Variants in PFDN1 observed in about 807,000 individuals in gnomAD.
The protein encoded by PFDN1 is prefoldin subunit 1.
A neutral mutation model predicts 17.3 loss-of-function variants in PFDN1; 6 were observed. The observed-to-expected ratio is 0.35, with a 90% CI of 0.19 to 0.69. The LOEUF (loss-of-function observed/expected upper bound fraction) is 0.69. Ranked by LOEUF, PFDN1 falls within the 30% of genes least tolerant of loss-of-function variation. PFDN1 has a pLI of 0.65. For missense variants in PFDN1, 113 were observed against 146.2 expected (o/e 0.77, Z 1.17); for synonymous variants, 58 against 50.1 (o/e 1.16, Z -0.67).
intron 3 of PFDN1, among the ~76,000 whole-genome samples, chr5:140,248,314 G>A (rs745357146): frequency 1.1e-4 from 16 of 151,960 alleles, no homozygotes; most frequent in Non-Finnish European, 1.8e-4. Flanking sequence ...TGATCTGCCC[G>A]CCTCGGCCTC....
In PFDN1 at chr5:140,303,092, C is replaced by G; in HGVS notation, c.-19G>C. 6.2e-7 allele frequency: 1 copy of G among 1,608,230 alleles called. No individual in the cohort carries two copies. ...CGGCCATCTTGGTGCACTGTAAGCG[C>G]CTGCGCAGTGGGAGTTGGACTGAAA... is the stretch of plus-strand genomic sequence containing the variant. On this transcript the variant is annotated 5_prime_UTR_variant, in exon 1 of 4. Coordinates refer to ENST00000261813, the MANE Select transcript of PFDN1 (RefSeq NM_002622.5).
At chr5:140,266,776 G>A (rs1203644115) in intron 3 of PFDN1, among the ~76,000 whole-genome samples, 2 of 152,230 alleles carry the variant, frequency 1.3e-5, no homozygotes, top group Non-Finnish European at 2.9e-5. Context: ...GATAGGAAAG[G>A]CATTTAAATC....
At chr5:140,255,620 G>C (rs1355760223) in intron 3 of PFDN1, among the ~76,000 whole-genome samples, 1 of 152,114 alleles carries the variant, frequency 6.6e-6, no homozygotes, top group African/African-American at 2.4e-5. Context: ...TCAAGCCTGG[G>C]TGACAGAGCA....
At chr5:140,288,949 C>T (rs1243156082) in intron 2 of PFDN1, among the ~76,000 whole-genome samples, 2 of 152,054 alleles carry the variant, frequency 1.3e-5, no homozygotes, top group South Asian at 2.1e-4. Flanking sequence ...CACACCACTG[C>T]ACTCCAGCCT....
chr5:140,252,744 G>A (rs1237546678), intron 3 of PFDN1, among the ~76,000 whole-genome samples: 1 of 152,124 alleles, frequency 6.6e-6, no homozygotes, highest in African/African-American at 2.4e-5. Context: ...GAAGGCAGGG[G>A]AAACAAGACA....
intron 3 of PFDN1, among the ~76,000 whole-genome samples, chr5:140,257,663 G>A (rs768352276): frequency 2.0e-5 from 3 of 152,274 alleles, no homozygotes; most frequent in Middle Eastern, 3.4e-3. Flanking sequence ...TAGGGATCAT[G>A]TCTGATTTGA....
At chr5:140,285,302 C>T (rs968397178) in intron 2 of PFDN1, among the ~76,000 whole-genome samples, 5 of 150,088 alleles carry the variant, frequency 3.3e-5, no homozygotes, top group East Asian at 3.9e-4. Flanking sequence ...GAGCCGAGAT[C>T]GCGCCACTGC....
intron 3 of PFDN1, among the ~76,000 whole-genome samples, chr5:140,251,300 T>C (rs1456380347): frequency 6.6e-6 from 1 of 152,210 alleles, no homozygotes; most frequent in Admixed American, 6.5e-5. Flanking sequence ...AATTACTGAT[T>C]TATAATAAAA....
chr5:140,287,863 C>G (rs1006535966), intron 2 of PFDN1, among the ~76,000 whole-genome samples: 1 of 152,176 alleles, frequency 6.6e-6, no homozygotes. Flanking sequence ...TATTAGGGAA[C>G]TATAAAATAA....
At chr5:140,302,650 A>C (rs941323429) in intron 1 of PFDN1, among the ~76,000 whole-genome samples, 1 of 152,226 alleles carries the variant, frequency 6.6e-6, no homozygotes, top group Non-Finnish European at 1.5e-5. Context: ...TTTTCAAAGC[A>C]AATGAGGCAG....
intron 3 of PFDN1, among the ~76,000 whole-genome samples, chr5:140,248,627 G>C (rs1427080822): frequency 6.6e-6 from 1 of 152,190 alleles, no homozygotes; most frequent in Non-Finnish European, 1.5e-5. Context: ...CTGCCAACTT[G>C]CTGCCACAGC....
intron 3 of PFDN1, among the ~76,000 whole-genome samples, chr5:140,272,299 C>T (rs1169603587): frequency 2.0e-5 from 3 of 151,226 alleles, no homozygotes; most frequent in Non-Finnish European, 4.4e-5. Flanking sequence ...GGATTACAGG[C>T]GTGAGCCACC....
At chr5:140,279,550 G>A (rs573538595) in intron 3 of PFDN1, among the ~76,000 whole-genome samples, 1 of 151,844 alleles carries the variant, frequency 6.6e-6, no homozygotes, top group East Asian at 1.9e-4. Context: ...TGTTGCGCAG[G>A]CTGGAATGCC....
chr5:140,266,760 G>C (rs965523794), intron 3 of PFDN1, among the ~76,000 whole-genome samples: 8 of 152,228 alleles, frequency 5.3e-5, no homozygotes, highest in Non-Finnish European at 1.2e-4. Flanking sequence ...ACTGTACACA[G>C]CAAGGGATAG....
chr5:140,249,152 G>C (rs527361274), intron 3 of PFDN1, among the ~76,000 whole-genome samples: 1 of 152,302 alleles, frequency 6.6e-6, no homozygotes, highest in African/African-American at 2.4e-5. Flanking sequence ...CACCTGTTGT[G>C]GGTTGAACTG....
intron 2 of PFDN1, among the ~76,000 whole-genome samples, chr5:140,283,345 G>A (rs1765438761): frequency 6.6e-6 from 1 of 152,054 alleles, no homozygotes; most frequent in Admixed American, 6.6e-5. Flanking sequence ...CCATTCTCCT[G>A]CCTCAGCCTC....
At chr5:140,276,014 ATTGATGATG>A (rs1190090388) in intron 3 of PFDN1, among the ~76,000 whole-genome samples, 16 of 144,940 alleles carry the variant, frequency 1.1e-4, no homozygotes, top group African/African-American at 4.1e-4. Flanking sequence ...CAGAAGAGAA[ATTGATGATG>A]ATGATGATGA....
chr5:140,287,059 G>A (rs756988438), intron 2 of PFDN1, among the ~76,000 whole-genome samples: 1 of 152,172 alleles, frequency 6.6e-6, no homozygotes, highest in Non-Finnish European at 1.5e-5. Context: ...TTATAAATAT[G>A]TGTGTATGTG....
At chr5:140,280,747 C>A (rs569246320) in intron 3 of PFDN1, among the ~76,000 whole-genome samples, 29 of 152,276 alleles carry the variant, frequency 1.9e-4, no homozygotes, top group Non-Finnish European at 4.0e-4. Context: ...TAAGAAATAA[C>A]CAGCTTTTTG....
Sources: gnomAD v4.1 joint callset for allele counts (sites outside exome capture counted in the v4.1 genomes callset) on GRCh38, gnomAD v4.1.1 for gene constraint, MANE v1.5 for transcripts, NCBI Gene and HGNC (gene_info 2026-07-23, HGNC 2026-07-21) for gene names.